Variants in CCDC158 observed in about 807,000 individuals in gnomAD.
CCDC158 encodes coiled-coil domain-containing protein 158.
A neutral mutation model predicts 138.6 loss-of-function variants in CCDC158; 116 were observed. The ratio of observed to expected loss-of-function variants is 0.84; its 90% CI spans 0.72 to 0.98. The LOEUF is 0.98. CCDC158 is among the 50% of genes least tolerant of loss of function. The probability of loss-of-function intolerance (pLI) is 0.00; values close to 1 mark genes in which losing one functional copy is unlikely to be tolerated. For missense variants in CCDC158, 1,265 were observed against 1,306.1 expected, an observed-to-expected ratio of 0.97 and a Z score of 0.48; for synonymous variants, 436 against 442.4, an observed-to-expected ratio of 0.99 and a Z score of 0.18.
intron 15 of CCDC158, among the ~76,000 whole-genome samples, chr4:76,354,410 A>C (rs2110184635): frequency 1.3e-5 from 2 of 152,318 alleles, no homozygotes. Flanking sequence ...TTGGCAGCTC[A>C]TCATGGATAG....
intron 4 of CCDC158, among the ~76,000 whole-genome samples, chr4:76,389,095 C>T (rs921898039): frequency 1.3e-5 from 2 of 151,940 alleles, no homozygotes; most frequent in Non-Finnish European, 2.9e-5. Context: ...GAAAACATGA[C>T]CTCACTAAAT....
chr4:76,421,775 TC>T (rs1730147735), upstream of CCDC158: 2 of 152,104 alleles, frequency 1.3e-5, no homozygotes, highest in African/African-American at 4.8e-5. Flanking sequence ...CCCCGAATGT[TC>T]AAGTTCAAAC....
At chr4:76,345,446 A>G in intron 18 of CCDC158, 1 of 941,630 alleles carries the variant, frequency 1.1e-6, no homozygotes. Context: ...CCAAATCTGC[A>G]AAAGAAGAAC....
chr4:76,375,610 A>C (rs1228014721), intron 9 of CCDC158: 6 of 702,894 alleles, frequency 8.5e-6, no homozygotes, highest in Non-Finnish European at 1.6e-5. Context: ...TTTTGTTGTC[A>C]AAAAGCGAAA....
intron 2 of CCDC158, among the ~76,000 whole-genome samples, chr4:76,404,542 A>G (rs1728663807): frequency 6.6e-6 from 1 of 152,160 alleles, no homozygotes; most frequent in Non-Finnish European, 1.5e-5. Context: ...CAAACAAACA[A>G]ACAGGAAGAG....
At chr4:76,384,022 C>T in intron 6 of CCDC158, 66 bp downstream of exon 6, 1 of 1,136,228 alleles carries the variant, frequency 8.8e-7, no homozygotes, top group South Asian at 1.6e-5. Flanking sequence ...AAAAATTATA[C>T]ATCTAATGCT....
At position 76,334,136 on chromosome 4, in the gene CCDC158, T is replaced by A; in HGVS notation, c.2696A>T (p.Asp899Val). 6.2e-7 allele frequency: 1 copy of A among 1,613,224 alleles called. No individual in the cohort carries two copies. The highest frequency in any genetic ancestry group is 2.2e-5 in the East Asian group (1 of 44,874). The change falls in exon 19 of 25, where the codon GAT becomes GTT. Residue 899 changes from aspartate to valine, a missense_variant. Transcript: ENST00000682701. ...HSTKANTLKE[D>V]PTRDLKQLLQ... ...AAGCTGTTTCAGGTCCCTTGTTGGA[T>A]CTTCCTTCAGTGTGTTAGCTTTTGT...
At chr4:76,335,514 C>G (rs1246265142) in intron 18 of CCDC158, among the ~76,000 whole-genome samples, 3 of 152,142 alleles carry the variant, frequency 2.0e-5, no homozygotes, top group Admixed American at 6.5e-5. Flanking sequence ...ATGTTGTTCT[C>G]CCCTGTCATT....
intron 24 of CCDC158, among the ~76,000 whole-genome samples, chr4:76,322,296 T>C (rs1321670562): frequency 6.6e-6 from 1 of 151,984 alleles, no homozygotes; most frequent in Non-Finnish European, 1.5e-5. Flanking sequence ...ATTAAAAACA[T>C]GTGGATTTTG....
intron 12 of CCDC158, among the ~76,000 whole-genome samples, chr4:76,366,407 T>C (rs1411558512): frequency 6.6e-6 from 1 of 152,244 alleles, no homozygotes; most frequent in Non-Finnish European, 1.5e-5. Flanking sequence ...ATTTGTCTCC[T>C]ACTACTCACC....
chr4:76,341,461 G>C (rs1339847702), intron 18 of CCDC158, among the ~76,000 whole-genome samples: 1 of 152,108 alleles, frequency 6.6e-6, no homozygotes, highest in Non-Finnish European at 1.5e-5. Context: ...AGATGGACAG[G>C]AAACAGGAAA....
chr4:76,342,756 G>A (rs1722178216), intron 18 of CCDC158, among the ~76,000 whole-genome samples: 1 of 152,166 alleles, frequency 6.6e-6, no homozygotes, highest in African/African-American at 2.4e-5. Flanking sequence ...CAGGCATATG[G>A]ATAATTCATA....
rs1456521003 is a variant in CCDC158, at chr4:76,420,928, C to T, written c.-117+37G>A. On this transcript the variant is annotated intron_variant, in intron 1 of 24. Transcript: ENST00000682701. ...CCTCAGAAGAACCCCACTCCCACCC[C>T]ACCATCCTCGTCTCCCGGGCCGCGC... Among the ~76,000 whole-genome samples, 5 of 152,294 alleles carry T rather than the reference C, an allele frequency of 3.3e-5. No individual in the cohort carries two copies. The East Asian group carries it at 7.8e-4, about 24-fold the overall frequency.
At chr4:76,375,725 T>C (rs1725660037) in intron 9 of CCDC158, 1 of 668,956 alleles carries the variant, frequency 1.5e-6, no homozygotes, top group South Asian at 1.6e-5. Context: ...AAGAGAAGAA[T>C]AGAAAACAGC....
At chr4:76,318,312 AGAAAT>A (rs1560775514) in intron 24 of CCDC158, among the ~76,000 whole-genome samples, 2 of 152,226 alleles carry the variant, frequency 1.3e-5, no homozygotes, top group Admixed American at 6.5e-5. Flanking sequence ...AAGCTCAATT[AGAAAT>A]GAAATGAGAG....
chr4:76,365,311 G>T (rs140238805), intron 12 of CCDC158, among the ~76,000 whole-genome samples: 2 of 152,236 alleles, frequency 1.3e-5, no homozygotes, highest in African/African-American at 4.8e-5. Context: ...ATCACAGAGG[G>T]AAGTGGATGT....
At chr4:76,409,922 G>T (rs1381140919) in intron 2 of CCDC158, among the ~76,000 whole-genome samples, 2 of 150,634 alleles carry the variant, frequency 1.3e-5, no homozygotes, top group Non-Finnish European at 3.0e-5. Context: ...AAAAAAAAAA[G>T]GTCTAAGAAA....
At chr4:76,367,881 T>G in intron 11 of CCDC158, 105 bp from the exon 12 acceptor site, 2 of 1,106,394 alleles carry the variant, frequency 1.8e-6, no homozygotes, top group Non-Finnish European at 2.5e-6. Flanking sequence ...AATTAGGCAA[T>G]GTTTAGTAAG....
In CCDC158 at chr4:76,362,134, T is replaced by C. The variant is rs1724201002; in HGVS notation, c.2012A>G (p.Asn671Ser). 1.2e-6 allele frequency: 2 copies of C among 1,613,112 alleles called. No homozygotes were observed. The highest frequency in any genetic ancestry group is 2.2e-5 in the East Asian group (1 of 44,880). Residue 671 changes from asparagine to serine, a missense_variant, in exon 13 of 25, where the codon AAT becomes AGT. By Grantham distance (46) the Asn-to-Ser change is conservative (BLOSUM62 1). Transcript: ENST00000682701. ...EVKTSRSELN[N>S]LSEEYEVLKR... ...GTGCTGAAGCAACATACCTGAAAGATTGTTTAATTCACTCCTACTTGTTTT... is the reference window on the plus strand; with the variant it reads ...GTGCTGAAGCAACATACCTGAAAGACTGTTTAATTCACTCCTACTTGTTTT...
Sources: gnomAD v4.1 joint callset for allele counts (sites outside exome capture counted in the v4.1 genomes callset) on GRCh38, gnomAD v4.1.1 for gene constraint, MANE v1.5 for transcripts, NCBI Gene and HGNC (gene_info 2026-07-23, HGNC 2026-07-21) for gene names.